ITPRID1: variants seen among roughly 807,000 people sequenced by gnomAD.
ITPRID1 encodes protein ITPRID1.
Under a neutral mutation model 95.4 loss-of-function variants are expected in ITPRID1, and 96 were observed. That is an observed-to-expected ratio of 1.01 (90% CI 0.85 to 1.19). The LOEUF (loss-of-function observed/expected upper bound fraction) is 1.19. ITPRID1 is among the 50% of genes most tolerant of loss of function. The pLI is 0.00. For missense variants in ITPRID1, 1,339 were observed against 1,252.9 expected, an observed-to-expected ratio of 1.07 and a Z score of -1.04; for synonymous variants, 510 against 453.6, an observed-to-expected ratio of 1.12 and a Z score of -1.58.
chr7:31,658,395 G>C (rs763729100), downstream of ITPRID1: 1 of 1,489,154 alleles, frequency 6.7e-7, no homozygotes. Flanking sequence ...TGTTGTAATT[G>C]TTTTTCTTTG....
Position 31,578,547 on chromosome 7 carries a change from C to T in ITPRID1, c.1170+113C>T, listed in dbSNP as rs1034846170. 41 of 748,580 alleles carry T rather than the reference C, an allele frequency of 5.5e-5. No individual in the cohort carries two copies. The Admixed American group carries it at 8.4e-4, about 15-fold the overall frequency. 46.4% of individuals were successfully genotyped at this position (748,580 alleles called of 1,614,324 possible). ...ATCTTTTAATCCCTCAGCATTACTT[C>T]TTAGTGTTCTGAGTCAGTTTAGTGA... On this transcript the variant is annotated intron_variant, in intron 9 of 14. Coordinates refer to ENST00000615280, the MANE Select transcript of ITPRID1 (RefSeq NM_001257967.3).
chr7:31,628,488 C>T (rs1397421293), intron 10 of ITPRID1, among the ~76,000 whole-genome samples: 6 of 149,120 alleles, frequency 4.0e-5, no homozygotes, highest in South Asian at 4.2e-4. Flanking sequence ...TGAGGAGTCT[C>T]GCTCTGTCAC....
chr7:31,615,329 CCCTCATA>C (rs1039955403), intron 10 of ITPRID1, among the ~76,000 whole-genome samples: 1 of 151,908 alleles, frequency 6.6e-6, no homozygotes, highest in African/African-American at 2.4e-5. Flanking sequence ...TTATTGGAGG[CCCTCATA>C]CCTCAATGTT....
Position 31,643,887 on chromosome 7 carries a change from C to G in ITPRID1, c.2517C>G (p.His839Gln). The G allele has an allele frequency of 6.2e-7, 1 of 1,613,870 alleles. No homozygotes were observed. The highest frequency in any genetic ancestry group is 8.5e-7 in the Non-Finnish European group (1 of 1,179,878). ...ACTGCCTGTGTTCACTAACTGGTCACCAGGAAGCCCAGTTCATGACGACTT... is the reference window on the plus strand; with the variant it reads ...ACTGCCTGTGTTCACTAACTGGTCAGCAGGAAGCCCAGTTCATGACGACTT... Reference protein sequence around the residue: ...CRHCLCSLTGHQEAQFMTTLK... With the variant: ...CRHCLCSLTGQQEAQFMTTLK... Residue 839 changes from histidine to glutamine, a missense_variant, in exon 12 of 15, where the codon CAC becomes CAG. Transcript: ENST00000615280.
intron 1 of ITPRID1, among the ~76,000 whole-genome samples, chr7:31,528,218 A>G (rs767119867): frequency 3.3e-5 from 5 of 152,202 alleles, no homozygotes; most frequent in Non-Finnish European, 7.3e-5. Context: ...GAATACATGT[A>G]TAACTAATGG....
intron 10 of ITPRID1, among the ~76,000 whole-genome samples, chr7:31,583,819 T>C (rs1486852564): frequency 1.3e-5 from 2 of 152,136 alleles, no homozygotes; most frequent in Non-Finnish European, 2.9e-5. Context: ...GAGGGGGTAC[T>C]TTTTCACTCC....
intron 1 of ITPRID1, among the ~76,000 whole-genome samples, chr7:31,532,022 A>G (rs986795448): frequency 6.6e-6 from 1 of 152,192 alleles, no homozygotes; most frequent in Non-Finnish European, 1.5e-5. Flanking sequence ...CAGTAACTAT[A>G]TTAAACAAAT....
intron 10 of ITPRID1, among the ~76,000 whole-genome samples, chr7:31,611,917 T>C (rs1011063462): frequency 3.9e-5 from 6 of 151,992 alleles, no homozygotes; most frequent in Non-Finnish European, 8.8e-5. Flanking sequence ...TTTGGGGCCA[T>C]TATTTATTGA....
intron 10 of ITPRID1, among the ~76,000 whole-genome samples, chr7:31,608,913 G>A (rs941412027): frequency 2.0e-5 from 3 of 151,250 alleles, no homozygotes; most frequent in Non-Finnish European, 3.0e-5. Flanking sequence ...AATTTTATGG[G>A]GAAAAATTTT....
intron 5 of ITPRID1, among the ~76,000 whole-genome samples, chr7:31,566,457 T>C (rs1784804586): frequency 6.6e-6 from 1 of 152,156 alleles, no homozygotes; most frequent in Non-Finnish European, 1.5e-5. Context: ...AACCATGCAA[T>C]GTTTTAGGTG....
chr7:31,527,040 T>A lies in ITPRID1; in HGVS notation c.-98+12920T>A, dbSNP rs553934793. Among the ~76,000 whole-genome samples, 82 of 152,304 alleles carry A rather than the reference T, an allele frequency of 5.4e-4. 1 individual carries two copies. The highest frequency in any genetic ancestry group is 1.8e-3 in the Admixed American group (28 of 15,288). ...TCACTTGACATTGACTCCTCATTTA[T>A]TATGTAGTAGGCATGCTGAGGTTCT... On this transcript the variant is annotated intron_variant, in intron 1 of 14. Transcript: ENST00000615280.
intron 5 of ITPRID1, among the ~76,000 whole-genome samples, chr7:31,555,580 G>A (rs1163342637): frequency 6.6e-6 from 1 of 151,864 alleles, no homozygotes; most frequent in African/African-American, 2.4e-5. Context: ...ACAAACAGAA[G>A]GCAATATTGA....
chr7:31,594,238 C>G (rs917397916), intron 10 of ITPRID1, among the ~76,000 whole-genome samples: 7 of 152,138 alleles, frequency 4.6e-5, no homozygotes, highest in African/African-American at 1.7e-4. Context: ...ACCATACTTT[C>G]TGAGTTTGTG....
chr7:31,557,047 C>T (rs528378220), intron 5 of ITPRID1, among the ~76,000 whole-genome samples: 1 of 151,930 alleles, frequency 6.6e-6, no homozygotes, highest in African/African-American at 2.4e-5. Context: ...TACATGGCTT[C>T]TTCTCCTTGT....
chr7:31,530,727 G>A (rs2191341), intron 1 of ITPRID1, among the ~76,000 whole-genome samples: 88,596 of 151,818 alleles, frequency 0.58, 26,898 homozygotes, highest in Middle Eastern at 0.71. Context: ...GTATTGGGAA[G>A]TGACTTAATA....
At chr7:31,517,653 G>A (rs1345712105) in intron 1 of ITPRID1, 1 of 152,718 alleles carries the variant, frequency 6.5e-6, no homozygotes, top group African/African-American at 2.4e-5. Context: ...GCCGGCCAGC[G>A]AGGTCCGTGC....
At chr7:31,533,005 G>T (rs967439893) in intron 1 of ITPRID1, among the ~76,000 whole-genome samples, 1 of 151,974 alleles carries the variant, frequency 6.6e-6, no homozygotes, top group Non-Finnish European at 1.5e-5. Context: ...TATCAGGTTT[G>T]GGTATCAGTG....
chr7:31,552,076 C>T (rs1032606859), intron 2 of ITPRID1, among the ~76,000 whole-genome samples: 2 of 143,192 alleles, frequency 1.4e-5, no homozygotes, highest in Admixed American at 7.0e-5. Flanking sequence ...TTATAGTCTG[C>T]GGAGACCGAA....
At chr7:31,517,107 G>A (rs930339250) in intron 1 of ITPRID1, among the ~76,000 whole-genome samples, 4 of 152,188 alleles carry the variant, frequency 2.6e-5, no homozygotes, top group Admixed American at 6.5e-5. Context: ...CATTCCCAGA[G>A]AACAAAGCAA....
Sources: gnomAD v4.1 joint callset for allele counts (sites outside exome capture counted in the v4.1 genomes callset) on GRCh38, gnomAD v4.1.1 for gene constraint, MANE v1.5 for transcripts, NCBI Gene and HGNC (gene_info 2026-07-23, HGNC 2026-07-21) for gene names.